Variants in PPM1D observed in about 807,000 individuals in gnomAD.
The protein encoded by PPM1D is protein phosphatase 1D.
Under a neutral mutation model 58.3 loss-of-function variants are expected in PPM1D, and 52 were observed. The ratio of observed to expected loss-of-function variants is 0.89; its 90% CI spans 0.71 to 1.12. The LOEUF is 1.12. Among genes scored for constraint, PPM1D ranks in the 50% most tolerant of loss-of-function variants. The pLI is 0.00. For missense variants in PPM1D, 564 were observed against 777.2 expected (o/e 0.73, Z 3.26); for synonymous variants, 278 against 285.1 (o/e 0.98, Z 0.25).
intron 1 of PPM1D, among the ~76,000 whole-genome samples, chr17:60,615,838 G>T (rs942309153): frequency 8.6e-5 from 13 of 151,742 alleles, no homozygotes; most frequent in Admixed American, 6.6e-4. Context: ...TTTTTTAAGC[G>T]ACAGGATCTC....
At chr17:60,614,825 C>T (rs919329562) in intron 1 of PPM1D, among the ~76,000 whole-genome samples, 19 of 152,078 alleles carry the variant, frequency 1.2e-4, no homozygotes, top group African/African-American at 4.6e-4. Context: ...AGCGAGACCA[C>T]GAACCCACCA....
In PPM1D at chr17:60,647,911, T is replaced by C. The variant is rs1317070296; in HGVS notation, c.846T>C (p.Asp282=). Residue 282 remains aspartate, a synonymous_variant, in exon 4 of 6, where the codon GAT becomes GAC. Transcript: ENST00000305921. ...ARALGDLWSY[D]FFSGEFVVSP... is the part of the protein sequence containing the mutation. ...CCCCAGGTGATTTGTGGAGCTATGA[T>C]TTCTTCAGTGGTGAATTTGTGGTGT... is the stretch of plus-strand genomic sequence containing the variant. The C allele has an allele frequency of 6.2e-7, 1 of 1,612,898 alleles. No individual in the cohort carries two copies. Among genetic ancestry groups the C allele is most frequent in the Non-Finnish European group, 8.5e-7 (1 of 1,179,150 alleles).
chr17:60,658,875 G>T (rs1019276721), intron 5 of PPM1D, among the ~76,000 whole-genome samples: 1 of 152,052 alleles, frequency 6.6e-6, no homozygotes, highest in African/African-American at 2.4e-5. Context: ...GGCGGGAATC[G>T]CTTGAACCCG....
chr17:60,630,651 G>T (rs1440956730), intron 2 of PPM1D, among the ~76,000 whole-genome samples: 1 of 152,032 alleles, frequency 6.6e-6, no homozygotes, highest in Non-Finnish European at 1.5e-5. Flanking sequence ...TTGGTTTTTT[G>T]TTACTAGATG....
At chr17:60,638,650 C>T (rs1453151707) in intron 3 of PPM1D, among the ~76,000 whole-genome samples, 1 of 151,936 alleles carries the variant, frequency 6.6e-6, no homozygotes, top group Admixed American at 6.6e-5. Context: ...ATTACAAGCG[C>T]AAGCCACCGC....
intron 4 of PPM1D, among the ~76,000 whole-genome samples, chr17:60,651,403 T>G (rs959665369): frequency 6.7e-6 from 1 of 148,688 alleles, no homozygotes; most frequent in Admixed American, 6.7e-5. Flanking sequence ...TGTTTTTGGT[T>G]TTTTTTTTTT....
intron 3 of PPM1D, among the ~76,000 whole-genome samples, chr17:60,641,185 A>G (rs947671864): frequency 6.6e-6 from 1 of 152,206 alleles, no homozygotes; most frequent in African/African-American, 2.4e-5. Flanking sequence ...TGCTTTCCAC[A>G]GTGGCTGAAT....
At chr17:60,610,436 A>G (rs2030431962) in intron 1 of PPM1D, among the ~76,000 whole-genome samples, 1 of 152,196 alleles carries the variant, frequency 6.6e-6, no homozygotes, top group Non-Finnish European at 1.5e-5. Flanking sequence ...GTGCTCATCC[A>G]TTGTATCCTT....
intron 3 of PPM1D, 95 bp downstream of exon 3, chr17:60,634,072 A>G (rs1441880471): frequency 7.3e-7 from 1 of 1,375,502 alleles, no homozygotes; most frequent in Non-Finnish European, 1.0e-6. Context: ...CTTACTTGGC[A>G]TATAGTGAGG....
intron 4 of PPM1D, among the ~76,000 whole-genome samples, chr17:60,655,856 C>T (rs530142537): frequency 2.0e-5 from 3 of 151,828 alleles, no homozygotes; most frequent in Admixed American, 6.6e-5. Flanking sequence ...CATGTGCCGT[C>T]GCGCCCGGCT....
intron 4 of PPM1D, among the ~76,000 whole-genome samples, chr17:60,655,690 T>G (rs370755062): frequency 5.1e-4 from 77 of 149,826 alleles, no homozygotes; most frequent in Admixed American, 3.0e-3. Flanking sequence ...TCTTTTCTTT[T>G]TTTCTTTTTC....
At chr17:60,651,981 TTGAG>T (rs1157348908) in intron 4 of PPM1D, among the ~76,000 whole-genome samples, 1 of 152,152 alleles carries the variant, frequency 6.6e-6, no homozygotes, top group Non-Finnish European at 1.5e-5. Flanking sequence ...ACAAAAAAGT[TTGAG>T]TGGACATAAC....
At position 60,634,087 on chromosome 17, in the gene PPM1D, A is replaced by G. The variant is rs2143675414; in HGVS notation, c.826+110A>G. On this transcript the variant is annotated intron_variant, in intron 3 of 5. Transcript: ENST00000305921. ...CTTACTTGGCATATAGTGAGGGTAGAGATATCATGATATTCTATTAACTGC... is the reference window on the plus strand; with the variant it reads ...CTTACTTGGCATATAGTGAGGGTAGGGATATCATGATATTCTATTAACTGC... 5.5e-6 allele frequency: 7 copies of G among 1,269,656 alleles called. No homozygotes were observed. The East Asian group carries it at 1.5e-4, about 27-fold the overall frequency. The allele number at this position is 1,269,656 out of a possible 1,614,324, so 78.6% of individuals were successfully genotyped here.
chr17:60,619,600 CTCTT>C (rs1229541111), intron 1 of PPM1D, among the ~76,000 whole-genome samples: 3 of 152,168 alleles, frequency 2.0e-5, no homozygotes, highest in South Asian at 2.1e-4. Context: ...GGTTATCTCT[CTCTT>C]TATTTTTTTA....
intron 2 of PPM1D, among the ~76,000 whole-genome samples, chr17:60,630,222 G>A (rs1324639686): frequency 6.6e-6 from 1 of 151,522 alleles, no homozygotes; most frequent in Non-Finnish European, 1.5e-5. Context: ...GAACAAAAAA[G>A]GAAATAATTA....
At chr17:60,613,031 T>G (rs2030492786) in intron 1 of PPM1D, among the ~76,000 whole-genome samples, 1 of 152,236 alleles carries the variant, frequency 6.6e-6, no homozygotes, top group African/African-American at 2.4e-5. Context: ...TCTACCATAA[T>G]AGGCTTCCTA....
intron 3 of PPM1D, among the ~76,000 whole-genome samples, chr17:60,647,223 G>T (rs573704204): frequency 2.0e-5 from 3 of 151,988 alleles, no homozygotes; most frequent in Non-Finnish European, 4.4e-5. Flanking sequence ...AATCTGATTG[G>T]TTACTTCATT....
At chr17:60,628,791 T>A (rs1199165389) in intron 2 of PPM1D, among the ~76,000 whole-genome samples, 4 of 150,334 alleles carry the variant, frequency 2.7e-5, no homozygotes, top group African/African-American at 9.8e-5. Flanking sequence ...AAAAAAAAAA[T>A]GGACCTTGGA....
rs2143733605 is a variant in PPM1D, at chr17:60,663,488, G to C, written c.1754G>C (p.Arg585Thr). The part of the protein sequence containing the change: ...SVKLTMRRRL[R>T]GQKKIGNPLL... ...AAACTCACCATGCGACGCAGACTTA[G>C]GGGCCAGAAGAAAATTGGAAATCCT... Residue 585 changes from arginine to threonine, a missense_variant, in exon 6 of 6, where the codon AGG becomes ACG. Physicochemically the swap from Arg to Thr is moderately conservative, Grantham distance 71. Transcript: ENST00000305921. 6.2e-7 allele frequency: 1 copy of C among 1,613,688 alleles called. No homozygotes were observed. Among genetic ancestry groups the C allele is most frequent in the African/African-American group, 1.3e-5 (1 of 75,046 alleles).
Sources: allele counts gnomAD v4.1 joint callset (sites outside exome capture counted in the v4.1 genomes callset), GRCh38; gene constraint gnomAD v4.1.1; transcripts MANE v1.5; gene names NCBI Gene and HGNC (gene_info 2026-07-23, HGNC 2026-07-21).